ZNF114: variants seen among roughly 807,000 people sequenced by gnomAD.
ZNF114 encodes the protein zinc finger protein 114.
Under a neutral mutation model 6.8 loss-of-function variants are expected in ZNF114, and 8 were observed. That is an observed-to-expected ratio of 1.18 (90% CI 0.69 to 2.13). The LOEUF (loss-of-function observed/expected upper bound fraction) is 2.13. ZNF114 is among the 30% of genes most tolerant of loss of function. ZNF114 has a pLI of 0.00. For missense variants in ZNF114, 472 were observed against 519.5 expected (o/e 0.91, Z 0.89); for synonymous variants, 169 against 185.5 (o/e 0.91, Z 0.72).
In ZNF114 at chr19:48,286,221, A is replaced by G. The variant is rs1174079780; in HGVS notation, c.597A>G (p.Thr199=). 9 of 1,614,124 alleles carry G rather than the reference A, an allele frequency of 5.6e-6. No homozygotes were observed. The highest frequency in any genetic ancestry group is 5.0e-5 in the Admixed American group (3 of 60,002). ...CGRKTELKSS[T]WTGSQNTVHH... The stretch of plus-strand genomic sequence containing the variant: ...GAAAAACAGAGCTGAAATCAAGCAC[A>G]TGGACTGGCAGTCAGAACACTGTGC... Residue 199 remains threonine, a synonymous_variant, in exon 6 of 6, where the codon ACA becomes ACG. Transcript: ENST00000595607.
intron 3 of ZNF114, among the ~76,000 whole-genome samples, chr19:48,278,912 CA>C (rs1967919359): frequency 6.6e-6 from 1 of 151,840 alleles, no homozygotes; most frequent in Non-Finnish European, 1.5e-5. Flanking sequence ...TACTGCACTC[CA>C]GCCTGGGCAA....
chr19:48,285,092 G>A (rs1325983553), intron 5 of ZNF114, among the ~76,000 whole-genome samples: 1 of 152,124 alleles, frequency 6.6e-6, no homozygotes, highest in East Asian at 1.9e-4. Flanking sequence ...TGACCTTACC[G>A]TCATCACATT....
intron 3 of ZNF114, among the ~76,000 whole-genome samples, chr19:48,273,428 G>GTT (rs113096721): frequency 0.25 from 35,459 of 144,632 alleles, 4,618 homozygotes; most frequent in East Asian, 0.47. Context: ...TTTCTTTTCT[G>GTT]TTTTTTTTTT....
intron 4 of ZNF114, 46 bp downstream of exon 4, chr19:48,279,854 A>C (rs770948768): frequency 1.5e-5 from 24 of 1,613,490 alleles, no homozygotes; most frequent in Non-Finnish European, 2.0e-5. Context: ...TGTCGTTCCC[A>C]CGAGTCAATG....
intron 1 of ZNF114, among the ~76,000 whole-genome samples, chr19:48,270,494 GGAAA>G (rs934740159): frequency 1.4e-3 from 186 of 135,312 alleles, no homozygotes; most frequent in African/African-American, 4.4e-3. Context: ...GGGGAAGGAA[GGAAA>G]GAAAGAAAGA....
At chr19:48,280,288 G>A (rs994823372) in intron 4 of ZNF114, among the ~76,000 whole-genome samples, 28 of 152,118 alleles carry the variant, frequency 1.8e-4, no homozygotes, top group Non-Finnish European at 2.9e-4. Flanking sequence ...AGAGGCTGAG[G>A]TGAGAGAATC....
chr19:48,287,557 T>A lies in ZNF114; in HGVS notation c.*679T>A, dbSNP rs1968166394. 6 of 151,402 alleles carry A rather than the reference T, an allele frequency of 4.0e-5. No individual in the cohort carries two copies. The highest frequency in any genetic ancestry group is 4.0e-4 in the Admixed American group (6 of 15,142). 9.4% of individuals were successfully genotyped at this position (151,402 alleles called of 1,614,324 possible). On this transcript the variant is annotated 3_prime_UTR_variant, in exon 6 of 6. Transcript: ENST00000595607. ...ACTTACCACTCATGTTGCATGTGAATCCACATCCTGAAGGGAGGCTACAAC... is the reference window on the plus strand; with the variant it reads ...ACTTACCACTCATGTTGCATGTGAAACCACATCCTGAAGGGAGGCTACAAC...
chr19:48,274,504 ATATTTTTTTTT>A (rs1322458368), intron 3 of ZNF114, among the ~76,000 whole-genome samples: 13 of 11,840 alleles, frequency 1.1e-3, no homozygotes, highest in South Asian at 4.5e-3. Flanking sequence ...ATATATATAT[ATATTTTTTTTT>A]TTTTTTTTGA....
chr19:48,279,673 A>G, intron 3 of ZNF114, 58 bp from the exon 4 acceptor site: 1 of 1,209,386 alleles, frequency 8.3e-7, no homozygotes, highest in Non-Finnish European at 1.2e-6. Flanking sequence ...CAGGATCCAC[A>G]TACGAGTGTG....
At position 48,282,424 on chromosome 19, in the gene ZNF114, C is replaced by A. The variant is rs540756122; in HGVS notation, c.63C>A (p.Thr21=). Reference sequence around the variant, plus strand: ...TGAACTTCACCAAAGAGGAGTGGACCCTGCTGGACCCAGCTCAGAGGAATC... The same window carrying A: ...TGAACTTCACCAAAGAGGAGTGGACACTGCTGGACCCAGCTCAGAGGAATC... ...VAVNFTKEEW[T]LLDPAQRNLY... Residue 21 remains threonine (T), a synonymous_variant, in exon 5 of 6, where the codon ACC becomes ACA. Coordinates refer to ENST00000595607, the MANE Select transcript of ZNF114 (RefSeq NM_153608.4). The A allele has an allele frequency of 8.7e-6, 14 of 1,613,396 alleles. No individual in the cohort carries two copies. Among genetic ancestry groups the A allele is most frequent in the Admixed American group, 1.7e-5 (1 of 59,932 alleles).
chr19:48,286,159 G>A lies in ZNF114; in HGVS notation c.535G>A (p.Val179Ile). 4 of 1,614,222 alleles carry A rather than the reference G, an allele frequency of 2.5e-6. No homozygotes were observed. The highest frequency in any genetic ancestry group is 1.6e-4 in the Middle Eastern group (1 of 6,062). ...ACATGAAAACAACGAAGACGATGGAGTCTTGGGGTGGAACATTCAGTGGGT... is the reference window on the plus strand; with the variant it reads ...ACATGAAAACAACGAAGACGATGGAATCTTGGGGTGGAACATTCAGTGGGT... ...KTHENNEDDGVLGWNIQWVPC... is the reference protein window; with the variant it reads ...KTHENNEDDGILGWNIQWVPC... The change falls in exon 6 of 6, where the codon GTC becomes ATC. Residue 179 changes from valine (V) to isoleucine (I), a missense_variant. Physicochemically the swap from Val to Ile is conservative, Grantham distance 29. Transcript: ENST00000595607.
Position 48,286,524 on chromosome 19 carries a change from A to G in ZNF114, c.900A>G (p.Gly300=). 2 of 1,614,156 alleles carry G rather than the reference A, an allele frequency of 1.2e-6. No individual in the cohort carries two copies. Among genetic ancestry groups the G allele is most frequent in the Middle Eastern group, 1.6e-4 (1 of 6,062 alleles). ...GTTCACACAAGAGTCATTGCACTGGAGAGAAAACCCATAAATGCCCCGAAT... is the reference window on the plus strand; with the variant it reads ...GTTCACACAAGAGTCATTGCACTGGGGAGAAAACCCATAAATGCCCCGAAT... ...NSGSHKSHCT[G]EKTHKCPECG... is the part of the protein sequence containing the mutation. Residue 300 remains glycine, a synonymous_variant, in exon 6 of 6, where the codon GGA becomes GGG. Coordinates refer to ENST00000595607, the MANE Select transcript of ZNF114 (RefSeq NM_153608.4).
rs750310776 is a variant in ZNF114 at position 48,285,917 on chromosome 19, C to T, written c.293C>T (p.Pro98Leu). The T allele has an allele frequency of 8.7e-6, 14 of 1,614,002 alleles. No homozygotes were observed. In the African/African-American group the frequency reaches 1.6e-4, roughly 18 times the overall value. The change falls in exon 6 of 6, where the codon CCA (proline) becomes CTA (leucine). Residue 98 changes from proline (P) to leucine (L), a missense_variant. By Grantham distance (98) the Pro-to-Leu change is moderately conservative. Coordinates refer to ENST00000595607, the MANE Select transcript of ZNF114 (RefSeq NM_153608.4). ...TGGAGATGCCCCAAAACAGAGGAAC[C>T]ACACAGGCAGGGGGTGAATAATGTG... ...EDWRCPKTEE[P>L]HRQGVNNVKP...
chr19:48,280,194 GC>G (rs1485619784), intron 4 of ZNF114, among the ~76,000 whole-genome samples: 23 of 152,012 alleles, frequency 1.5e-4, no homozygotes, highest in Non-Finnish European at 2.9e-5. Context: ...ACCAGCCTGG[GC>G]AATGTAGCAA....
intron 5 of ZNF114, among the ~76,000 whole-genome samples, chr19:48,282,876 C>A (rs1055874545): frequency 6.6e-6 from 1 of 151,898 alleles, no homozygotes; most frequent in Admixed American, 6.6e-5. Context: ...CCACACCTGG[C>A]TAATTTTTGT....
chr19:48,278,538 C>A (rs530374327), intron 3 of ZNF114, among the ~76,000 whole-genome samples: 1 of 152,304 alleles, frequency 6.6e-6, no homozygotes, highest in East Asian at 1.9e-4. Flanking sequence ...TGTGTCAGTG[C>A]CTCAGTCCGT....
In ZNF114 at chr19:48,287,470, C is replaced by G. The variant is rs530909088; in HGVS notation, c.*592C>G. 12 of 151,002 alleles carry G rather than the reference C, an allele frequency of 7.9e-5. No individual in the cohort carries two copies. In the South Asian group the frequency reaches 2.5e-3, roughly 31 times the overall value. The allele number at this position is 151,002 out of a possible 1,614,324, so 9.4% of individuals were successfully genotyped here. A position where few individuals can be genotyped will look rare whatever the true frequency, so the allele number is the denominator to read the frequency against. Reference sequence around the variant, plus strand: ...CGAGATGGAGCCACTGCACTCCAGCCTGGGGGAAAGAGCGAGACTCCGTCT... The same window carrying G: ...CGAGATGGAGCCACTGCACTCCAGCGTGGGGGAAAGAGCGAGACTCCGTCT... On this transcript the variant is annotated 3_prime_UTR_variant, in exon 6 of 6. Transcript: ENST00000595607.
intron 5 of ZNF114, among the ~76,000 whole-genome samples, chr19:48,284,797 C>T (rs1451984703): frequency 1.3e-5 from 2 of 152,140 alleles, no homozygotes; most frequent in Non-Finnish European, 2.9e-5. Flanking sequence ...AAGGCCTGTT[C>T]CTTTTCTCCT....
chr19:48,286,866 GC>G lies in ZNF114; in HGVS notation c.1245del (p.Cys416ValfsTer14), dbSNP rs1568996631. On this transcript the variant is annotated frameshift_variant, in exon 6 of 6. Transcript: ENST00000595607. LOFTEE classifies it high-confidence loss of function. ...KHLKTHKDEK[P>X]CE ...ATCTTAAGACTCACAAAGATGAGAAGCCCTGTGAATGAAAGGAAGGTGGAAA... is the reference window on the plus strand; with the variant it reads ...ATCTTAAGACTCACAAAGATGAGAAGCCTGTGAATGAAAGGAAGGTGGAAA... The G allele has an allele frequency of 1.3e-6, 2 of 1,560,660 alleles. No homozygotes were observed. Among genetic ancestry groups the G allele is most frequent in the Admixed American group, 2.2e-5 (1 of 46,184 alleles).
Sources: gnomAD v4.1 joint callset for allele counts (sites outside exome capture counted in the v4.1 genomes callset) on GRCh38, gnomAD v4.1.1 for gene constraint, MANE v1.5 for transcripts, NCBI Gene and HGNC (gene_info 2026-07-23, HGNC 2026-07-21) for gene names.